The following VPS13B variants were observed in gnomAD, a reference collection of about 807,000 sequenced individuals.
VPS13B encodes the protein intermembrane lipid transfer protein VPS13B.
Under a neutral mutation model 426.4 loss-of-function variants are expected in VPS13B, and 285 were observed. That is an observed-to-expected ratio of 0.67 (90% CI 0.61 to 0.74). The LOEUF is 0.74. VPS13B is among the 30% of genes least tolerant of loss of function. The probability of loss-of-function intolerance (pLI) is 0.00; values close to 1 mark genes in which losing one functional copy is unlikely to be tolerated. For synonymous variants in VPS13B, 1,676 were observed against 1,676.4 expected, an observed-to-expected ratio of 1.00 and a Z score of 0.01; for missense variants, 4,537 against 4,782.6, an observed-to-expected ratio of 0.95 and a Z score of 1.51.
chr8:99,301,818 G>C (rs2133073644), intron 19 of VPS13B, among the ~76,000 whole-genome samples: 1 of 151,892 alleles, frequency 6.6e-6, no homozygotes, highest in East Asian at 1.9e-4. Flanking sequence ...ATACAGATGG[G>C]GTCTCATTAT....
At chr8:99,250,598 A>T (rs1330960830) in intron 17 of VPS13B, among the ~76,000 whole-genome samples, 1 of 150,654 alleles carries the variant, frequency 6.6e-6, no homozygotes, top group Non-Finnish European at 1.5e-5. Flanking sequence ...CTATGTGAGA[A>T]ATTATCTGGC....
intron 30 of VPS13B, among the ~76,000 whole-genome samples, chr8:99,522,597 T>C (rs1486004554): frequency 1.3e-5 from 2 of 152,148 alleles, no homozygotes; most frequent in Non-Finnish European, 2.9e-5. Context: ...CCAACTCTTC[T>C]TGGGTGAGGC....
chr8:99,848,888 C>T lies in VPS13B; in HGVS notation c.10055C>T (p.Thr3352Ile). Reference sequence around the variant, plus strand: ...AAAGCAGGACCTATTTTAACCAATACCAACAGGTAGGTTTAATTATTTTCC... The same window carrying T: ...AAAGCAGGACCTATTTTAACCAATATCAACAGGTAGGTTTAATTATTTTCC... The part of the protein sequence containing the change: ...EGKAGPILTN[T>I]NRAPEKIVTF... Residue 3352 changes from threonine (T) to isoleucine (I), a missense_variant, in exon 55 of 62, where the codon ACC becomes ATC. By Grantham distance (89) the Thr-to-Ile change is moderately conservative (BLOSUM62 -1). Coordinates refer to ENST00000357162, the MANE Select transcript of VPS13B (RefSeq NM_152564.5). 1 of 1,613,218 alleles carries T rather than the reference C, an allele frequency of 6.2e-7. No homozygotes were observed. Among genetic ancestry groups the T allele is most frequent in the Non-Finnish European group, 8.5e-7 (1 of 1,179,154 alleles).
chr8:99,776,378 C>T lies in VPS13B; in HGVS notation c.7248-397C>T, dbSNP rs567244128. 7.2e-5 allele frequency among the ~76,000 whole-genome samples: 11 copies of T among 152,258 alleles called. No individual in the cohort carries two copies. The East Asian group carries it at 1.5e-3, about 21-fold the overall frequency. On this transcript the variant is annotated intron_variant, in intron 40 of 61. Coordinates refer to ENST00000357162, the MANE Select transcript of VPS13B (RefSeq NM_152564.5). The stretch of plus-strand genomic sequence containing the variant: ...TGATTCCAGGCTGGAATGCAGTGCA[C>T]GACAGCCTTGACCTGCTGTGCTTAA...
intron 35 of VPS13B, among the ~76,000 whole-genome samples, chr8:99,674,339 C>G (rs934743545): frequency 3.9e-5 from 6 of 152,100 alleles, no homozygotes; most frequent in Admixed American, 3.9e-4. Context: ...TTATATAGGA[C>G]TTGCATTATC....
intron 34 of VPS13B, among the ~76,000 whole-genome samples, chr8:99,660,676 T>A (rs1830187355): frequency 6.6e-6 from 1 of 151,298 alleles, no homozygotes; most frequent in African/African-American, 2.4e-5. Flanking sequence ...TAGCCAAAAA[T>A]ACTTTTTAAA....
chr8:99,790,692 G>C (rs1812496686), intron 43 of VPS13B, among the ~76,000 whole-genome samples: 1 of 152,300 alleles, frequency 6.6e-6, no homozygotes, highest in South Asian at 2.1e-4. Flanking sequence ...CCAACATGAG[G>C]ATGGGAAGCT....
chr8:99,455,155 T>G (rs62534584), intron 23 of VPS13B, among the ~76,000 whole-genome samples: 5 of 152,146 alleles, frequency 3.3e-5, no homozygotes, highest in Non-Finnish European at 5.9e-5. Flanking sequence ...AAGCATTTGG[T>G]GTTAGGTGTA....
chr8:99,312,859 G>A (rs1049491391), intron 19 of VPS13B, among the ~76,000 whole-genome samples: 1 of 152,154 alleles, frequency 6.6e-6, no homozygotes. Flanking sequence ...TGGAGGCTTT[G>A]TTCATTTCTT....
At chr8:99,029,139 A>G (rs1390529677) in intron 2 of VPS13B, among the ~76,000 whole-genome samples, 4 of 124,832 alleles carry the variant, frequency 3.2e-5, no homozygotes, top group African/African-American at 1.2e-4. Flanking sequence ...CATCCCAGAC[A>G]GGGCGGCGGG....
At chr8:99,358,113 C>T (rs767946774) in intron 19 of VPS13B, among the ~76,000 whole-genome samples, 8 of 152,126 alleles carry the variant, frequency 5.3e-5, no homozygotes, top group Admixed American at 2.6e-4. Flanking sequence ...GAAGCCAGAC[C>T]GCTGCTCCTC....
At position 99,481,758 on chromosome 8, in the gene VPS13B, A is replaced by G. The variant is rs746514520; in HGVS notation, c.3826A>G (p.Thr1276Ala). 9.9e-6 allele frequency: 16 copies of G among 1,613,976 alleles called. No individual in the cohort carries two copies. The highest frequency in any genetic ancestry group is 1.4e-5 in the Non-Finnish European group (16 of 1,179,860). Residue 1276 changes from threonine to alanine, a missense_variant, in exon 25 of 62, where the codon ACC becomes GCC. Thr to Ala is a moderately conservative substitution (Grantham distance 58). Around this residue, in one of 2 missense-constraint regions of VPS13B, gnomAD observed 4,311 missense variants for 4,474.3 expected, o/e 0.96. Transcript: ENST00000357162. ...CAGTATAGGCACAGCTCCTCCAGATACCAGCACATGCAGCCCATCTGCTGA... is the reference window on the plus strand; with the variant it reads ...CAGTATAGGCACAGCTCCTCCAGATGCCAGCACATGCAGCCCATCTGCTGA... ...RSSIGTAPPD[T>A]STCSPSADIG...
intron 15 of VPS13B, among the ~76,000 whole-genome samples, chr8:99,159,705 G>GC (rs1421518507): frequency 6.6e-6 from 1 of 152,120 alleles, no homozygotes; most frequent in Non-Finnish European, 1.5e-5. Context: ...TGTCACCCAG[G>GC]CCGTAGTGCA....
At chr8:99,463,355 G>A (rs753322129) in intron 23 of VPS13B, among the ~76,000 whole-genome samples, 4 of 152,092 alleles carry the variant, frequency 2.6e-5, no homozygotes, top group Non-Finnish European at 5.9e-5. Flanking sequence ...GTAAATAATA[G>A]TTTTATTAGT....
In VPS13B at chr8:99,512,970, T is replaced by C. The variant is rs191330678; in HGVS notation, c.4633+1458T>C. 1.3e-4 allele frequency among the ~76,000 whole-genome samples: 20 copies of C among 150,958 alleles called. No individual in the cohort carries two copies. In the East Asian group the frequency reaches 3.7e-3, roughly 28 times the overall value. On this transcript the variant is annotated intron_variant, in intron 29 of 61. Coordinates refer to ENST00000357162, the MANE Select transcript of VPS13B (RefSeq NM_152564.5). ...GTTGCAGTGAGCCAAGATAGTGCCA[T>C]TGCACTCCAGCTTGGGTGACAGAGC...
intron 3 of VPS13B, among the ~76,000 whole-genome samples, chr8:99,063,215 T>C (rs867081134): frequency 6.6e-6 from 1 of 152,180 alleles, no homozygotes; most frequent in Middle Eastern, 3.4e-3. Context: ...TCATTGGGAC[T>C]GGTTGGACAG....
intron 16 of VPS13B, among the ~76,000 whole-genome samples, chr8:99,172,361 A>G (rs1812386981): frequency 6.6e-6 from 1 of 152,176 alleles, no homozygotes; most frequent in Non-Finnish European, 1.5e-5. Context: ...AGGAATGGAT[A>G]TAATCTGAAA....
At chr8:99,391,253 C>G (rs1814426813) in intron 20 of VPS13B, among the ~76,000 whole-genome samples, 1 of 151,954 alleles carries the variant, frequency 6.6e-6, no homozygotes, top group African/African-American at 2.4e-5. Context: ...CTAAAACTTA[C>G]ATTTTCTGGG....
intron 33 of VPS13B, 104 bp downstream of exon 33, chr8:99,577,737 T>C (rs1166361937): frequency 2.9e-6 from 4 of 1,402,734 alleles, no homozygotes; most frequent in East Asian, 2.3e-5. Context: ...TTAATTATTC[T>C]GTGTTTAACT....
Sources: allele counts gnomAD v4.1 joint callset (sites outside exome capture counted in the v4.1 genomes callset), GRCh38; gene constraint gnomAD v4.1.1; regional missense constraint gnomAD v4.1.1; transcripts MANE v1.5; gene names NCBI Gene and HGNC (gene_info 2026-07-23, HGNC 2026-07-21).